Variants in RANBP2 observed in about 807,000 individuals in gnomAD.
RANBP2 encodes E3 SUMO-protein ligase RanBP2.
In RANBP2, 57 loss-of-function variants were observed where a neutral mutation model predicts 303.6. The ratio of observed to expected loss-of-function variants is 0.19; its 90% confidence interval spans 0.15 to 0.23. The LOEUF is 0.23. RANBP2 is among the 10% of genes least tolerant of loss of function. The pLI, the probability that RANBP2 is intolerant of heterozygous loss-of-function variation, is 1.00. For synonymous variants in RANBP2, 1,167 were observed against 1,301.5 expected (o/e 0.90, Z 2.23); for missense variants, 3,138 against 3,780.8 (o/e 0.83, Z 4.46).
At chr2:109,567,742 C>T in the RANBP2 span, 1 of 1,378,766 alleles carries the variant, frequency 7.3e-7, no homozygotes, top group Middle Eastern at 2.7e-4. Flanking sequence ...AGTGTATTAG[C>T]AGCAATATTA....
chr2:109,669,086 CAA>C, the RANBP2 span, among the ~76,000 whole-genome samples: 1 of 152,104 alleles, frequency 6.6e-6, no homozygotes, highest in African/African-American at 2.4e-5. Flanking sequence ...TCATCTTTGA[CAA>C]AGACACCAAG....
the RANBP2 span, among the ~76,000 whole-genome samples, chr2:109,669,174 A>G: frequency 5.3e-5 from 8 of 152,210 alleles, no homozygotes; most frequent in Non-Finnish European, 8.8e-5. Flanking sequence ...ATGAAAATAA[A>G]ATCAAATGGA....
the RANBP2 span, among the ~76,000 whole-genome samples, chr2:108,871,812 C>T: frequency 2.0e-5 from 3 of 152,090 alleles, no homozygotes; most frequent in Non-Finnish European, 4.4e-5. Flanking sequence ...AGTGATATTG[C>T]TATTTTTTAG....
At chr2:108,794,407 TTTTC>T in the RANBP2 span, 2 of 819,858 alleles carry the variant, frequency 2.4e-6, no homozygotes, top group South Asian at 2.6e-5. Context: ...TTTGCTATAT[TTTTC>T]TTTGTCTCTC....
chr2:109,254,869 T>C, the RANBP2 span, among the ~76,000 whole-genome samples: 1 of 152,088 alleles, frequency 6.6e-6, no homozygotes, highest in Non-Finnish European at 1.5e-5. Context: ...ATGTCCGAAT[T>C]CTCACGGGTG....
the RANBP2 span, among the ~76,000 whole-genome samples, chr2:109,143,925 T>G: frequency 3.2e-4 from 48 of 152,324 alleles, no homozygotes; most frequent in Non-Finnish European, 4.8e-4. Flanking sequence ...GAGGACGTTA[T>G]GCGAAGTGAA....
At chr2:109,309,937 CAG>C in the RANBP2 span, among the ~76,000 whole-genome samples, 1 of 123,882 alleles carries the variant, frequency 8.1e-6, no homozygotes, top group African/African-American at 4.1e-5. Context: ...ATCAACGAGA[CAG>C]AAAGTCAACA....
chr2:109,127,119 A>C, the RANBP2 span, among the ~76,000 whole-genome samples: 3 of 152,202 alleles, frequency 2.0e-5, no homozygotes, highest in African/African-American at 4.8e-5. Context: ...CGCTGATGTA[A>C]ATCATACAGA....
At chr2:109,394,747 G>C in the RANBP2 span, among the ~76,000 whole-genome samples, 1 of 152,232 alleles carries the variant, frequency 6.6e-6, no homozygotes, top group South Asian at 2.1e-4. Flanking sequence ...TTCCTTTCCA[G>C]ATGGCACCTT....
the RANBP2 span, among the ~76,000 whole-genome samples, chr2:109,307,467 C>T: frequency 1.1e-3 from 161 of 150,370 alleles, no homozygotes; most frequent in South Asian, 6.6e-3. Flanking sequence ...TACATGTGCA[C>T]ATTGTGCAGG....
the RANBP2 span, among the ~76,000 whole-genome samples, chr2:109,201,406 C>G: frequency 1.3e-5 from 2 of 152,204 alleles, no homozygotes; most frequent in African/African-American, 2.4e-5. Context: ...TTTCCCGGAT[C>G]TCTCTGTCTC....
the RANBP2 span, among the ~76,000 whole-genome samples, chr2:109,190,895 A>G: frequency 6.6e-6 from 1 of 151,648 alleles, no homozygotes; most frequent in Non-Finnish European, 1.5e-5. Context: ...TAATCAGAAA[A>G]TATGAAGAGT....
chr2:108,866,829 G>A, the RANBP2 span, among the ~76,000 whole-genome samples: 1 of 151,724 alleles, frequency 6.6e-6, no homozygotes, highest in African/African-American at 2.4e-5. Context: ...TTTGCAGTGA[G>A]CCGAGATCAC....
the RANBP2 span, among the ~76,000 whole-genome samples, chr2:109,317,936 C>T: frequency 5.9e-5 from 9 of 152,052 alleles, no homozygotes; most frequent in African/African-American, 1.7e-4. Context: ...TGAGGGGACT[C>T]GCACAACTCT....
the RANBP2 span, among the ~76,000 whole-genome samples, chr2:108,863,881 G>A: frequency 6.6e-6 from 1 of 152,160 alleles, no homozygotes; most frequent in Admixed American, 6.5e-5. Flanking sequence ...CAATTAATGA[G>A]CGCTTTTAGC....
chr2:108,884,706 T>C, the RANBP2 span: 2 of 152,194 alleles, frequency 1.3e-5, no homozygotes, highest in African/African-American at 4.8e-5. Flanking sequence ...TTCGAGATTG[T>C]GTCCTCCCGG....
chr2:109,375,023 G>A, the RANBP2 span, among the ~76,000 whole-genome samples: 1 of 152,232 alleles, frequency 6.6e-6, no homozygotes, highest in Non-Finnish European at 1.5e-5. Context: ...GCCTTGCACT[G>A]CTTCAGCTGC....
the RANBP2 span, among the ~76,000 whole-genome samples, chr2:109,464,589 T>C: frequency 1.1e-4 from 17 of 152,334 alleles, no homozygotes; most frequent in Non-Finnish European, 2.2e-4. Flanking sequence ...TCACAATCGA[T>C]TTCCTCTTCT....
the RANBP2 span, among the ~76,000 whole-genome samples, chr2:109,022,247 C>T: frequency 2.8e-4 from 42 of 152,176 alleles, no homozygotes; most frequent in Non-Finnish European, 5.6e-4. Context: ...GGGCTGGGAA[C>T]GCCAATACTA....
Sources: allele counts gnomAD v4.1 joint callset (sites outside exome capture counted in the v4.1 genomes callset), GRCh38; gene constraint gnomAD v4.1.1; transcripts MANE v1.5; gene names NCBI Gene and HGNC (gene_info 2026-07-23, HGNC 2026-07-21).